The following ADAMTSL1 variants were observed in gnomAD, a reference collection of about 807,000 sequenced individuals.
ADAMTSL1 encodes the protein ADAMTS-like protein 1.
A neutral mutation model predicts 201.8 loss-of-function variants in ADAMTSL1; 126 were observed. The observed-to-expected ratio is 0.62, with a 90% confidence interval of 0.54 to 0.72. The LOEUF (loss-of-function observed/expected upper bound fraction) is 0.72. Among genes scored for constraint, ADAMTSL1 ranks in the 30% least tolerant of loss-of-function variants. ADAMTSL1 has a pLI of 0.00. For missense variants in ADAMTSL1, 2,679 were observed against 2,277.8 expected (o/e 1.18, Z -3.59); for synonymous variants, 1,121 against 903.4 (o/e 1.24, Z -4.32).
chr9:18,410,326 C>A (rs960707216), intron 2 of ADAMTSL1, among the ~76,000 whole-genome samples: 15 of 152,042 alleles, frequency 9.9e-5, no homozygotes, highest in Non-Finnish European at 2.1e-4. Context: ...TATTAAGCAT[C>A]CATTAGCTCT....
chr9:18,237,920 T>G (rs1163999729), intron 2 of ADAMTSL1, among the ~76,000 whole-genome samples: 1 of 152,240 alleles, frequency 6.6e-6, no homozygotes, highest in African/African-American at 2.4e-5. Flanking sequence ...CTTTGAACGT[T>G]TCGTGGACTA....
chr9:18,849,202 A>G (rs1262160195), intron 23 of ADAMTSL1, among the ~76,000 whole-genome samples: 1 of 152,136 alleles, frequency 6.6e-6, no homozygotes, highest in Non-Finnish European at 1.5e-5. Flanking sequence ...TTAAAACAGG[A>G]CTAGGTGGCA....
chr9:17,932,110 C>T (rs754888175), intron 1 of ADAMTSL1, among the ~76,000 whole-genome samples: 1 of 152,134 alleles, frequency 6.6e-6, no homozygotes, highest in South Asian at 2.1e-4. Flanking sequence ...GGTCTTCCCC[C>T]CAAGTAGAGG....
chr9:18,490,618 C>T (rs1455877735), intron 1 of ADAMTSL1, among the ~76,000 whole-genome samples: 2 of 152,040 alleles, frequency 1.3e-5, no homozygotes, highest in Admixed American at 6.5e-5. Flanking sequence ...TAAGATCAAT[C>T]GGAGCACAGA....
intron 2 of ADAMTSL1, among the ~76,000 whole-genome samples, chr9:18,180,553 A>G (rs1828417080): frequency 1.4e-5 from 2 of 147,004 alleles, no homozygotes; most frequent in African/African-American, 4.9e-5. Context: ...AAAAAAAAAA[A>G]AATACCTAAG....
At chr9:17,974,042 A>G (rs1458427643) in intron 1 of ADAMTSL1, among the ~76,000 whole-genome samples, 1 of 152,088 alleles carries the variant, frequency 6.6e-6, no homozygotes, top group Non-Finnish European at 1.5e-5. Flanking sequence ...ACAAAATTCA[A>G]CAACCCTTCA....
intron 2 of ADAMTSL1, among the ~76,000 whole-genome samples, chr9:18,172,348 G>A (rs1587221183): frequency 6.6e-6 from 1 of 151,742 alleles, no homozygotes; most frequent in African/African-American, 2.4e-5. Flanking sequence ...ATCATTAGAA[G>A]GACACATGGA....
intron 2 of ADAMTSL1, among the ~76,000 whole-genome samples, chr9:18,295,982 C>T (rs1011419772): frequency 2.6e-5 from 4 of 152,098 alleles, no homozygotes; most frequent in Non-Finnish European, 5.9e-5. Flanking sequence ...GTATTATGTG[C>T]CTCCTGGTAA....
At chr9:17,988,644 AAAGGGAGCC>A (rs1819020757) in intron 1 of ADAMTSL1, among the ~76,000 whole-genome samples, 1 of 151,844 alleles carries the variant, frequency 6.6e-6, no homozygotes, top group South Asian at 2.1e-4. Flanking sequence ...TTCACCTGCC[AAAGGGAGCC>A]AATTTGATAG....
intron 20 of ADAMTSL1, among the ~76,000 whole-genome samples, chr9:18,806,464 G>A (rs1461427284): frequency 6.6e-6 from 1 of 152,154 alleles, no homozygotes; most frequent in East Asian, 1.9e-4. Context: ...AATGGAAGGC[G>A]GCATGGCAGT....
chr9:17,917,593 A>T (rs1563893627), intron 1 of ADAMTSL1, among the ~76,000 whole-genome samples: 1 of 152,004 alleles, frequency 6.6e-6, no homozygotes, highest in Non-Finnish European at 1.5e-5. Flanking sequence ...CAATTTACTA[A>T]ATTTTGTTTA....
chr9:18,236,377 C>G (rs565238449), intron 2 of ADAMTSL1, among the ~76,000 whole-genome samples: 5 of 152,290 alleles, frequency 3.3e-5, no homozygotes, highest in Admixed American at 6.5e-5. Flanking sequence ...CATGGCCTGT[C>G]TGTGGAGTTT....
chr9:18,432,254 A>G (rs1819525696), intron 2 of ADAMTSL1, among the ~76,000 whole-genome samples: 1 of 152,186 alleles, frequency 6.6e-6, no homozygotes, highest in South Asian at 2.1e-4. Flanking sequence ...AGTCTTTCAC[A>G]TATCTCTTTA....
At chr9:18,273,787 G>A (rs909123461) in intron 2 of ADAMTSL1, among the ~76,000 whole-genome samples, 3 of 152,156 alleles carry the variant, frequency 2.0e-5, no homozygotes, top group Admixed American at 6.5e-5. Context: ...TGGACAAAAT[G>A]TAATGTGAAG....
intron 15 of ADAMTSL1, among the ~76,000 whole-genome samples, chr9:18,739,904 T>C (rs1331264976): frequency 6.9e-6 from 1 of 144,716 alleles, no homozygotes; most frequent in Non-Finnish European, 1.5e-5. Flanking sequence ...ACTATCTGTG[T>C]GTGTGTGTGT....
intron 1 of ADAMTSL1, among the ~76,000 whole-genome samples, chr9:18,076,576 C>T (rs1254787419): frequency 6.6e-6 from 1 of 152,158 alleles, no homozygotes; most frequent in Non-Finnish European, 1.5e-5. Context: ...AGATAAAAAA[C>T]ACCTGAATGT....
intron 2 of ADAMTSL1, among the ~76,000 whole-genome samples, chr9:18,318,413 A>T (rs1349912400): frequency 6.6e-5 from 10 of 152,220 alleles, no homozygotes; most frequent in African/African-American, 2.4e-4. Flanking sequence ...TGGGTGCCAC[A>T]CCAGACCCAC....
intron 21 of ADAMTSL1, among the ~76,000 whole-genome samples, chr9:18,820,504 T>C (rs1824145460): frequency 6.6e-6 from 1 of 152,230 alleles, no homozygotes; most frequent in African/African-American, 2.4e-5. Context: ...ATTAATTTCC[T>C]TAATGATTCC....
chr9:18,599,228 T>G (rs951246255), intron 4 of ADAMTSL1, among the ~76,000 whole-genome samples: 10 of 152,224 alleles, frequency 6.6e-5, no homozygotes, highest in African/African-American at 2.4e-4. Flanking sequence ...AAGGATTTGT[T>G]TTTTGAATAG....
Sources: allele counts gnomAD v4.1 joint callset (sites outside exome capture counted in the v4.1 genomes callset), GRCh38; gene constraint gnomAD v4.1.1; transcripts MANE v1.5; gene names NCBI Gene and HGNC (gene_info 2026-07-23, HGNC 2026-07-21).